Variants in SLC9C2 observed in about 807,000 individuals in gnomAD.
The protein encoded by SLC9C2 is sodium/hydrogen exchanger 11.
Under a neutral mutation model 140.2 loss-of-function variants are expected in SLC9C2, and 75 were observed. That is an observed-to-expected ratio of 0.53 (90% CI 0.44 to 0.65). The LOEUF is 0.65. Ranked by LOEUF, SLC9C2 falls within the 30% of genes least tolerant of loss-of-function variation. SLC9C2 has a pLI of 0.00. For synonymous variants in SLC9C2, 375 were observed against 420.9 expected (o/e 0.89, Z 1.34); for missense variants, 1,074 against 1,331.8 (o/e 0.81, Z 3.01).
chr1:173,581,789 T>G, intron 7 of SLC9C2, 58 bp downstream of exon 7: 1 of 1,363,566 alleles, frequency 7.3e-7, no homozygotes, highest in East Asian at 2.5e-5. Context: ...CAGGAAAAAA[T>G]AAACATGTAT....
intron 1 of SLC9C2, among the ~76,000 whole-genome samples, chr1:173,602,267 T>G (rs1666832424): frequency 6.6e-6 from 1 of 152,150 alleles, no homozygotes; most frequent in African/African-American, 2.4e-5. Flanking sequence ...GGAGCATGGA[T>G]AAATGTTATG....
At chr1:173,573,649 G>A (rs1369265235) in intron 8 of SLC9C2, among the ~76,000 whole-genome samples, 2 of 152,076 alleles carry the variant, frequency 1.3e-5, no homozygotes, top group East Asian at 3.9e-4. Flanking sequence ...TCAACTCTTG[G>A]GCCTGCTACT....
At chr1:173,549,552 C>T (rs1230535252) in intron 11 of SLC9C2, among the ~76,000 whole-genome samples, 4 of 152,302 alleles carry the variant, frequency 2.6e-5, no homozygotes, top group Non-Finnish European at 4.4e-5. Context: ...GGCACCAGTA[C>T]ATCTGAATAT....
chr1:173,557,282 T>C, intron 10 of SLC9C2, 58 bp downstream of exon 10: 1 of 1,516,694 alleles, frequency 6.6e-7, no homozygotes, highest in Non-Finnish European at 8.9e-7. Context: ...CTCTGACAAG[T>C]GGGCAAGATA....
chr1:173,507,155 G>A, intron 24 of SLC9C2, 114 bp from the exon 25 acceptor site: 1 of 798,086 alleles, frequency 1.3e-6, no homozygotes, highest in South Asian at 1.7e-5. Context: ...AAGGTACACA[G>A]CCCCTGGCAC....
rs949799038 is a variant in SLC9C2 at position 173,530,011 on chromosome 1, T to C, written c.2207A>G (p.Lys736Arg). The change falls in exon 18 of 28, where the codon AAA becomes AGA. Residue 736 changes from lysine to arginine, a missense_variant. Physicochemically the swap from Lys to Arg is conservative, Grantham distance 26. Coordinates refer to ENST00000367714, the MANE Select transcript of SLC9C2 (RefSeq NM_178527.4). ...ACTATACATCAAGCTGAGGCGCTTT[T>C]TGATCTGCACATCTGCAATTCTTAT... ...ILIRIADVQI[K>R]KRLSLMYSIT... 1.2e-6 allele frequency: 2 copies of C among 1,613,236 alleles called. No individual in the cohort carries two copies. Among genetic ancestry groups the C allele is most frequent in the Non-Finnish European group, 1.7e-6 (2 of 1,179,790 alleles).
chr1:173,550,507 T>C (rs1663202414), intron 11 of SLC9C2, among the ~76,000 whole-genome samples: 1 of 151,190 alleles, frequency 6.6e-6, no homozygotes, highest in Admixed American at 6.6e-5. Context: ...GGTGCAATCT[T>C]GCCTCACTGC....
chr1:173,574,722 G>A (rs1307188658), intron 8 of SLC9C2, among the ~76,000 whole-genome samples: 2 of 139,738 alleles, frequency 1.4e-5, no homozygotes, highest in African/African-American at 2.5e-5. Flanking sequence ...ATGTTAGCCA[G>A]GATGGTCTTG....
chr1:173,503,448 C>G, intron 26 of SLC9C2, 122 bp from the exon 27 acceptor site: 2 of 859,612 alleles, frequency 2.3e-6, no homozygotes, highest in Non-Finnish European at 3.6e-6. Context: ...TCCCTTCCCC[C>G]TCTCAAATGT....
intron 16 of SLC9C2, 82 bp downstream of exon 16, chr1:173,534,402 G>C (rs1661797763): frequency 7.3e-7 from 1 of 1,375,568 alleles, no homozygotes; most frequent in African/African-American, 1.5e-5. Context: ...TTGGTATCAA[G>C]TTACTTCAAT....
In SLC9C2 at chr1:173,581,958, ATAT is replaced by A. The variant is rs1327915706; in HGVS notation, c.688_690del (p.Ile230del). On this transcript the variant is annotated inframe_deletion, in exon 7 of 28. Transcript: ENST00000367714. ...ATGATTTTTGCACACCAATATCCAA[ATAT>A]TATGCTTCCCAAAATGTCATAGCTG... 1.2e-6 allele frequency: 2 copies of A among 1,600,674 alleles called. No homozygotes were observed. Among genetic ancestry groups the A allele is most frequent in the Non-Finnish European group, 1.7e-6 (2 of 1,171,474 alleles).
chr1:173,540,608 G>C (rs1662319856), intron 13 of SLC9C2, among the ~76,000 whole-genome samples: 1 of 152,138 alleles, frequency 6.6e-6, no homozygotes, highest in African/African-American at 2.4e-5. Flanking sequence ...CAGTACCACT[G>C]GCCAGGCTGT....
In SLC9C2 at chr1:173,511,325, T is replaced by C. The variant is rs145171201; in HGVS notation, c.2908-1626A>G. Among the ~76,000 whole-genome samples the C allele has an allele frequency of 7.0e-3, 1,058 of 152,198 alleles. 10 individuals carry two copies. Among genetic ancestry groups the C allele is most frequent in the Non-Finnish European group, 0.01 (707 of 67,992 alleles). On this transcript the variant is annotated intron_variant, in intron 23 of 27. Coordinates refer to ENST00000367714, the MANE Select transcript of SLC9C2 (RefSeq NM_178527.4). The stretch of plus-strand genomic sequence containing the variant: ...GATTACAGGCATGAGCCACCGTGCC[T>C]GGCCCATTTCCTGACTTTTTAATAA...
chr1:173,536,094 C>T, intron 14 of SLC9C2, 145 bp from the exon 15 acceptor site: 2 of 636,380 alleles, frequency 3.1e-6, no homozygotes, highest in Admixed American at 4.3e-5. Context: ...ATCCATCCAC[C>T]TATCCATCCA....
intron 27 of SLC9C2, 122 bp downstream of exon 27, chr1:173,503,144 T>C (rs1168541677): frequency 3.1e-6 from 2 of 650,716 alleles, no homozygotes; most frequent in Non-Finnish European, 5.2e-6. Context: ...AATTAATGAG[T>C]TGTAGCTAGG....
intron 13 of SLC9C2, among the ~76,000 whole-genome samples, chr1:173,540,691 T>C (rs556591167): frequency 2.6e-5 from 4 of 152,314 alleles, no homozygotes; most frequent in Admixed American, 2.0e-4. Context: ...TTTCTAATAT[T>C]CCAGGAACAT....
chr1:173,536,274 T>C (rs940166887), intron 14 of SLC9C2, among the ~76,000 whole-genome samples: 3 of 152,202 alleles, frequency 2.0e-5, no homozygotes, highest in African/African-American at 7.2e-5. Context: ...GCTCTAACTT[T>C]CCCAAACTTT....
chr1:173,503,285 T>G lies in SLC9C2; in HGVS notation c.3352A>C (p.Asn1118His). The change falls in exon 27 of 28, where the codon AAT (asparagine) becomes CAT (histidine). Residue 1118 changes from asparagine (N) to histidine (H), a missense_variant. Transcript: ENST00000367714. The stretch of plus-strand genomic sequence containing the variant: ...TATTACCTCATCTTTTGTCTTCCAT[T>G]TATATTCTTTCCTGGTTGTTCAAAG... Reference protein sequence around the residue: ...TVFEQPGKNINGRQKMS With the variant: ...TVFEQPGKNIHGRQKMS 2 of 1,613,832 alleles carry G rather than the reference T, an allele frequency of 1.2e-6. No homozygotes were observed. Among genetic ancestry groups the G allele is most frequent in the Admixed American group, 3.3e-5 (2 of 60,006 alleles).
At chr1:173,574,624 C>T (rs555824147) in intron 8 of SLC9C2, among the ~76,000 whole-genome samples, 26 of 150,562 alleles carry the variant, frequency 1.7e-4, no homozygotes, top group Non-Finnish European at 3.2e-4. Flanking sequence ...CATTCTCCTG[C>T]CTCAGACTCC....
Sources: allele counts gnomAD v4.1 joint callset (sites outside exome capture counted in the v4.1 genomes callset), GRCh38; gene constraint gnomAD v4.1.1; transcripts MANE v1.5; gene names NCBI Gene and HGNC (gene_info 2026-07-23, HGNC 2026-07-21).